UNC13D: variants seen among roughly 807,000 people sequenced by gnomAD.
The protein encoded by UNC13D is unc-13 homolog D.
UNC13D carries 115 observed loss-of-function variants against 151.7 expected under a neutral mutation model. The ratio of observed to expected loss-of-function variants is 0.76; its 90% confidence interval spans 0.65 to 0.88. The LOEUF is 0.88. Among genes scored for constraint, UNC13D ranks in the 40% least tolerant of loss-of-function variants. The pLI is 0.00. For missense variants in UNC13D, 1,369 were observed against 1,438.7 expected (o/e 0.95, Z 0.78); for synonymous variants, 588 against 612.2 (o/e 0.96, Z 0.58).
In UNC13D at chr17:75,827,775, G is replaced by A; in HGVS notation, c.*190C>T. 1 of 1,481,636 alleles carries A rather than the reference G, an allele frequency of 6.7e-7. No homozygotes were observed. Among genetic ancestry groups the A allele is most frequent in the Non-Finnish European group, 9.0e-7 (1 of 1,115,306 alleles). The allele number at this position is 1,481,636 out of a possible 1,614,324, so 91.8% of individuals were successfully genotyped here. ...CTGGAGGCAGGGAGGCGGGAGTAGA[G>A]ATGTCGCTGCTGAGCCCCCATCACC... On this transcript the variant is annotated 3_prime_UTR_variant, in exon 32 of 32. Transcript: ENST00000207549.
rs1276696285 is a variant in UNC13D at position 75,840,623 on chromosome 17, G to C, written c.684-47C>G. On this transcript the variant is annotated intron_variant, in intron 8 of 31. Coordinates refer to ENST00000207549, the MANE Select transcript of UNC13D (RefSeq NM_199242.3). The surrounding 1 kb of genome is among the most constrained non-coding windows in gnomAD (Gnocchi z 4.6). ...AAGGGGGACGCAGCAAGGGTCGGAA[G>C]GGATTAGGCTGGAATCCACCCCCGG... 6.2e-7 allele frequency: 1 copy of C among 1,613,490 alleles called. No individual in the cohort carries two copies. Among genetic ancestry groups the C allele is most frequent in the Admixed American group, 1.7e-5 (1 of 60,004 alleles).
At chr17:75,841,103 C>A (rs975228299) in intron 6 of UNC13D, 102 bp from the exon 7 acceptor site, 1 of 1,276,800 alleles carries the variant, frequency 7.8e-7, no homozygotes, top group Admixed American at 1.7e-5. Context: ...GTAGCCTATC[C>A]CTGCCAAACT....
intron 25 of UNC13D, chr17:75,831,650 C>T (rs914329190): frequency 1.5e-5 from 7 of 461,974 alleles, no homozygotes; most frequent in South Asian, 5.0e-5. Context: ...GGCCAGGCCC[C>T]CAGTGACAAC....
Position 75,828,057 on chromosome 17 carries a change from G to A in UNC13D, c.3181C>T (p.Arg1061Trp), listed in dbSNP as rs1380958280. The stretch of plus-strand genomic sequence containing the variant: ...ACCTGGGCTTCTCGGTCACCCTTCC[G>A]GCCCTCCAGCAGCTGCAGGATTGGG... The part of the protein sequence containing the change: ...GDPILQLLEG[R>W]KGDREAQVFV... Residue 1061 changes from arginine to tryptophan, a missense_variant, in exon 32 of 32, where the codon CGG becomes TGG. Physicochemically the swap from Arg to Trp is moderately radical, Grantham distance 101 (BLOSUM62 -3). Transcript: ENST00000207549. 8.9e-6 allele frequency: 14 copies of A among 1,574,902 alleles called. No individual in the cohort carries two copies. The highest frequency in any genetic ancestry group is 1.8e-5 in the Admixed American group (1 of 54,084).
chr17:75,834,885 G>C, intron 21 of UNC13D, 35 bp downstream of exon 21: 2 of 1,613,720 alleles, frequency 1.2e-6, no homozygotes. Flanking sequence ...GGCTGTTCTA[G>C]AAAGAGGGGG....
chr17:75,827,765 C>A lies in UNC13D; in HGVS notation c.*200G>T, dbSNP rs1451496166. The A allele has an allele frequency of 1.3e-6, 2 of 1,482,492 alleles. No individual in the cohort carries two copies. Among genetic ancestry groups the A allele is most frequent in the African/African-American group, 1.4e-5 (1 of 71,928 alleles). 91.8% of individuals were successfully genotyped at this position (1,482,492 alleles called of 1,614,324 possible). ...GCAGCCAGGGCTGGAGGCAGGGAGGCGGGAGTAGAGATGTCGCTGCTGAGC... is the reference window on the plus strand; with the variant it reads ...GCAGCCAGGGCTGGAGGCAGGGAGGAGGGAGTAGAGATGTCGCTGCTGAGC... On this transcript the variant is annotated 3_prime_UTR_variant, in exon 32 of 32. Transcript: ENST00000207549.
In UNC13D at chr17:75,840,407, C is replaced by G. The variant is rs894835514; in HGVS notation, c.754-78G>C. 1.2e-6 allele frequency: 2 copies of G among 1,607,332 alleles called. No homozygotes were observed. Among genetic ancestry groups the G allele is most frequent in the Non-Finnish European group, 1.7e-6 (2 of 1,174,894 alleles). ...GCAGCGGAGGCGACAGGAGGTGGACCCCAGGCTCAGCTTTGTGAGGACACA... is the reference window on the plus strand; with the variant it reads ...GCAGCGGAGGCGACAGGAGGTGGACGCCAGGCTCAGCTTTGTGAGGACACA... On this transcript the variant is annotated intron_variant, in intron 9 of 31. Transcript: ENST00000207549. The surrounding 1 kb of genome is among the most constrained non-coding windows in gnomAD (Gnocchi z 4.6).
In UNC13D at chr17:75,843,149, C is replaced by A. The variant is rs1401737991; in HGVS notation, c.261+10G>T. On this transcript the variant is annotated intron_variant, in intron 3 of 31. Coordinates refer to ENST00000207549, the MANE Select transcript of UNC13D (RefSeq NM_199242.3). ...TGCAGGAAGGGGGGTGGGGTGGGAGCCGGGCTCACCTCCTGCAGGTATCGC... is the reference window on the plus strand; with the variant it reads ...TGCAGGAAGGGGGGTGGGGTGGGAGACGGGCTCACCTCCTGCAGGTATCGC... 1.2e-6 allele frequency: 2 copies of A among 1,611,270 alleles called. No individual in the cohort carries two copies.
chr17:75,829,008 T>C, intron 30 of UNC13D, 25 bp from the exon 31 acceptor site: 1 of 1,597,048 alleles, frequency 6.3e-7, no homozygotes, highest in Non-Finnish European at 8.5e-7. Context: ...AGGGCTCTGC[T>C]GCCAGCCCCA....
chr17:75,831,311 G>A lies in UNC13D; in HGVS notation c.2485C>T (p.Leu829=), dbSNP rs1416421969. ...TLLWTHTLTV[L]VEAAASQRSS... is the part of the protein sequence containing the mutation. ...CGCTGGGAGGCGGCCGCCTCCACCAGCACTGTGAGTGTGTGGGTCCAGAGC... is the reference window on the plus strand; with the variant it reads ...CGCTGGGAGGCGGCCGCCTCCACCAACACTGTGAGTGTGTGGGTCCAGAGC... The change falls in exon 26 of 32, where the codon CTG becomes TTG. Residue 829 remains leucine, a synonymous_variant. Coordinates refer to ENST00000207549, the MANE Select transcript of UNC13D (RefSeq NM_199242.3). The A allele has an allele frequency of 6.2e-7, 1 of 1,613,510 alleles. No individual in the cohort carries two copies. The highest frequency in any genetic ancestry group is 8.5e-7 in the Non-Finnish European group (1 of 1,180,018).
At position 75,839,401 on chromosome 17, in the gene UNC13D, C is replaced by T. The variant is rs534905672; in HGVS notation, c.1055+438G>A. 6.1e-3 allele frequency among the ~76,000 whole-genome samples: 711 copies of T among 116,026 alleles called. 4 individuals carry two copies. Among genetic ancestry groups the T allele is most frequent in the Middle Eastern group, 0.025 (6 of 240 alleles). 76.1% of individuals were successfully genotyped at this position (116,026 alleles called of 152,430 possible). ...AGCCTGGGCAACAAGGGTGAAACTC[C>T]GTTTCAAAAAAAAAAAAAAAAAGCA... On this transcript the variant is annotated intron_variant, in intron 12 of 31. Coordinates refer to ENST00000207549, the MANE Select transcript of UNC13D (RefSeq NM_199242.3).
Position 75,840,682 on chromosome 17 carries a change from C to T in UNC13D, c.683+80G>A. 1.2e-6 allele frequency: 2 copies of T among 1,608,340 alleles called. No homozygotes were observed. The highest frequency in any genetic ancestry group is 2.2e-5 in the East Asian group (1 of 44,860). Reference sequence around the variant, plus strand: ...ACCTGGACCCCAAAGGAGCCTGCACCCCAGCATCCAGTGTGCATGTTGGGG... The same window carrying T: ...ACCTGGACCCCAAAGGAGCCTGCACTCCAGCATCCAGTGTGCATGTTGGGG... On this transcript the variant is annotated intron_variant, in intron 8 of 31. Transcript: ENST00000207549. This position sits in a 1 kb window ranked among gnomAD's most constrained non-coding sequence, Gnocchi z 4.6.
rs374540307 is a variant in UNC13D, at chr17:75,835,963, C to T, written c.1544+49G>A. The T allele has an allele frequency of 1.3e-4, 209 of 1,614,148 alleles. No homozygotes were observed. In the South Asian group the frequency reaches 2.2e-3, roughly 17 times the overall value. ...GCATACACCAGGGTCCCCATGGTTCCGGCTCTGAGGCAATGCCCCACTACC... is the reference window on the plus strand; with the variant it reads ...GCATACACCAGGGTCCCCATGGTTCTGGCTCTGAGGCAATGCCCCACTACC... On this transcript the variant is annotated intron_variant, in intron 17 of 31. Coordinates refer to ENST00000207549, the MANE Select transcript of UNC13D (RefSeq NM_199242.3).
Position 75,835,699 on chromosome 17 carries a change from G to C in UNC13D, c.1675C>G (p.Leu559Val), listed in dbSNP as rs1198597638. The C allele has an allele frequency of 6.2e-7, 1 of 1,613,440 alleles. No individual in the cohort carries two copies. The highest frequency in any genetic ancestry group is 8.5e-7 in the Non-Finnish European group (1 of 1,180,046). Residue 559 changes from leucine (L) to valine (V), a missense_variant, in exon 19 of 32, where the codon CTC becomes GTC. Leu to Val is a conservative substitution (Grantham distance 32). This residue lies in a region of UNC13D where 807 missense variants were observed against 795.5 expected (regional missense o/e 1.01). Coordinates refer to ENST00000207549, the MANE Select transcript of UNC13D (RefSeq NM_199242.3). ...CAGAGCTCCTTGAGGCTGATGTAGA[G>C]CTGGAACAGACTCTCGCCCATCTCT... ...SPEMGESLFQ[L>V]YISLKELCQL...
rs752432374 is a variant in UNC13D, at chr17:75,840,861, G to C, written c.615-31C>G. The C allele has an allele frequency of 1.2e-6, 2 of 1,614,050 alleles. No homozygotes were observed. Among genetic ancestry groups the C allele is most frequent in the Non-Finnish European group, 1.7e-6 (2 of 1,179,996 alleles). On this transcript the variant is annotated intron_variant, in intron 7 of 31. Coordinates refer to ENST00000207549, the MANE Select transcript of UNC13D (RefSeq NM_199242.3). The surrounding 1 kb of genome is among the most constrained non-coding windows in gnomAD (Gnocchi z 4.6). ...AGGACAGAGGTTTGAGAAGGAAGCA[G>C]AGAGAGTGCCTACGACCTCTTCCAG...
At position 75,835,737 on chromosome 17, in the gene UNC13D, T is replaced by C. The variant is rs893119657; in HGVS notation, c.1637A>G (p.Asp546Gly). ...RVQDHTTVVG[D>G]VVSPEMGESL... The stretch of plus-strand genomic sequence containing the variant: ...CTCGCCCATCTCTGGGGACACTACA[T>C]CACCCACAACCGTCGTGTGGTCCTG... Residue 546 changes from aspartate to glycine, a missense_variant, in exon 19 of 32, where the codon GAT becomes GGT. Physicochemically the swap from Asp to Gly is moderately conservative, Grantham distance 94. This residue lies in a region of UNC13D where 807 missense variants were observed against 795.5 expected (regional missense o/e 1.01). Transcript: ENST00000207549. The C allele has an allele frequency of 6.2e-6, 10 of 1,613,642 alleles. No homozygotes were observed. In the African/African-American group the frequency reaches 1.3e-4, roughly 22 times the overall value.
chr17:75,835,560 G>A (rs770983621), intron 19 of UNC13D, 31 bp from the exon 20 acceptor site: 10 of 1,604,420 alleles, frequency 6.2e-6, no homozygotes, highest in Non-Finnish European at 8.5e-6. Context: ...GCGTCGGGAA[G>A]GCTGGGGCCA....
Position 75,840,179 on chromosome 17 carries a change from C to CGGCG in UNC13D, c.858+45_858+46insCGCC, listed in dbSNP as rs1567821108. On this transcript the variant is annotated intron_variant, in intron 10 of 31. Transcript: ENST00000207549. This position sits in a 1 kb window ranked among gnomAD's most constrained non-coding sequence, Gnocchi z 4.6. The stretch of plus-strand genomic sequence containing the variant: ...GCAGCCAGCCCCGCAACCCAGCAGA[C>CGGCG]CGCCGCAAGAGCTGGGCATGGCCAC... 1.2e-6 allele frequency: 2 copies of CGGCG among 1,612,290 alleles called. No homozygotes were observed. The highest frequency in any genetic ancestry group is 2.7e-5 in the African/African-American group (2 of 75,042).
At chr17:75,830,326 G>C in intron 29 of UNC13D, 36 bp downstream of exon 29, 1 of 1,586,746 alleles carries the variant, frequency 6.3e-7, no homozygotes, top group Non-Finnish European at 8.6e-7. Flanking sequence ...GCCAGGACGG[G>C]ACCATGGAGA....
Sources: allele counts gnomAD v4.1 joint callset (sites outside exome capture counted in the v4.1 genomes callset), GRCh38; gene constraint gnomAD v4.1.1; regional missense constraint gnomAD v4.1.1; non-coding constraint Gnocchi (gnomAD v3.1); transcripts MANE v1.5; gene names NCBI Gene and HGNC (gene_info 2026-07-23, HGNC 2026-07-21).